The following CPED1 variants were observed in gnomAD, a reference collection of about 807,000 sequenced individuals.
The protein encoded by CPED1 is cadherin-like and PC-esterase domain-containing protein 1.
A neutral mutation model predicts 128.2 loss-of-function variants in CPED1; 114 were observed. The ratio of observed to expected loss-of-function variants is 0.89; its 90% CI spans 0.76 to 1.04. The LOEUF (loss-of-function observed/expected upper bound fraction) is 1.04. Among genes scored for constraint, CPED1 ranks in the 50% least tolerant of loss-of-function variants. CPED1 has a pLI of 0.00. For missense variants in CPED1, 1,211 were observed against 1,207.1 expected (o/e 1.00, Z -0.05); for synonymous variants, 462 against 426.7 (o/e 1.08, Z -1.02).
chr7:121,121,589 A>G (rs1020686416), intron 7 of CPED1, among the ~76,000 whole-genome samples: 1 of 152,184 alleles, frequency 6.6e-6, no homozygotes, highest in Non-Finnish European at 1.5e-5. Flanking sequence ...TTCCTTGCGA[A>G]CTTATATTCT....
chr7:121,237,105 G>A (rs1394436365), intron 17 of CPED1, among the ~76,000 whole-genome samples: 2 of 152,030 alleles, frequency 1.3e-5, no homozygotes, highest in African/African-American at 2.4e-5. Flanking sequence ...CCTTCCCTGA[G>A]CCTCTGATTT....
At chr7:121,078,196 C>T (rs2116122360) in intron 5 of CPED1, among the ~76,000 whole-genome samples, 1 of 152,128 alleles carries the variant, frequency 6.6e-6, no homozygotes, top group East Asian at 1.9e-4. Flanking sequence ...AGGTGTGCAC[C>T]ACCACACCCA....
At chr7:121,118,134 C>G (rs896821418) in intron 7 of CPED1, among the ~76,000 whole-genome samples, 1 of 152,084 alleles carries the variant, frequency 6.6e-6, no homozygotes, top group African/African-American at 2.4e-5. Flanking sequence ...ATAACTAAAC[C>G]CTTCCATCCA....
intron 16 of CPED1, among the ~76,000 whole-genome samples, chr7:121,167,188 A>G (rs944085320): frequency 1.3e-5 from 2 of 152,198 alleles, no homozygotes; most frequent in Non-Finnish European, 1.5e-5. Flanking sequence ...CTCTATGCCC[A>G]TTAAACCTTG....
chr7:120,994,766 A>G (rs1796368293), intron 2 of CPED1, among the ~76,000 whole-genome samples: 1 of 152,086 alleles, frequency 6.6e-6, no homozygotes, highest in South Asian at 2.1e-4. Flanking sequence ...TCTGGATTCT[A>G]TTCCAAAGGC....
At chr7:121,154,926 T>C (rs1473768370) in intron 16 of CPED1, among the ~76,000 whole-genome samples, 3 of 152,220 alleles carry the variant, frequency 2.0e-5, no homozygotes, top group African/African-American at 7.2e-5. Flanking sequence ...TGTGTCATGT[T>C]TATTGATTTG....
At chr7:121,128,597 G>C (rs758893815) in intron 11 of CPED1, 111 bp downstream of exon 11, 1 of 640,634 alleles carries the variant, frequency 1.6e-6, no homozygotes, top group Non-Finnish European at 2.8e-6. Context: ...TTAAGAAATA[G>C]AAATCTTTAT....
At chr7:121,174,185 G>A (rs1325835016) in intron 16 of CPED1, among the ~76,000 whole-genome samples, 1 of 152,106 alleles carries the variant, frequency 6.6e-6, no homozygotes, top group African/African-American at 2.4e-5. Context: ...TGTTTACTCT[G>A]TTGATAGTTT....
intron 18 of CPED1, among the ~76,000 whole-genome samples, chr7:121,246,790 TGA>T (rs1182156010): frequency 5.3e-5 from 8 of 152,256 alleles, no homozygotes; most frequent in African/African-American, 1.9e-4. Flanking sequence ...TACCTGTTAA[TGA>T]GAGAGGGTAT....
chr7:121,134,062 C>A (rs34249834), intron 13 of CPED1, among the ~76,000 whole-genome samples, 169 bp downstream of exon 13: 50,567 of 151,862 alleles, frequency 0.33, 8,829 homozygotes, highest in Middle Eastern at 0.48. Context: ...GAGAGGGAAT[C>A]CAGCAATCCT....
chr7:121,135,343 A>G (rs770316086), intron 13 of CPED1, among the ~76,000 whole-genome samples: 4 of 152,034 alleles, frequency 2.6e-5, no homozygotes, highest in Non-Finnish European at 5.9e-5. Flanking sequence ...AGCCCAATAC[A>G]GTGGTTTTCA....
chr7:121,115,752 G>C (rs778030354), intron 7 of CPED1, among the ~76,000 whole-genome samples: 7 of 152,146 alleles, frequency 4.6e-5, no homozygotes, highest in Admixed American at 1.3e-4. Flanking sequence ...CAAACAAGCT[G>C]TCAGACCTTA....
At chr7:121,201,949 G>C (rs762267232) in intron 16 of CPED1, among the ~76,000 whole-genome samples, 25 of 152,106 alleles carry the variant, frequency 1.6e-4, no homozygotes, top group Non-Finnish European at 3.5e-4. Context: ...ACAAAATTGA[G>C]TATGCTAATG....
chr7:121,231,516 T>C (rs953873130), intron 16 of CPED1, among the ~76,000 whole-genome samples: 1 of 152,078 alleles, frequency 6.6e-6, no homozygotes, highest in Non-Finnish European at 1.5e-5. Flanking sequence ...GAACCAAGAT[T>C]TCCAGGCAGT....
chr7:121,246,645 T>C (rs779047927), intron 18 of CPED1, among the ~76,000 whole-genome samples: 5 of 152,168 alleles, frequency 3.3e-5, no homozygotes, highest in South Asian at 2.1e-4. Flanking sequence ...TAGCATCACA[T>C]TGGAGATTAG....
At chr7:121,036,037 C>T (rs1792875536) in intron 3 of CPED1, among the ~76,000 whole-genome samples, 1 of 151,636 alleles carries the variant, frequency 6.6e-6, no homozygotes, top group Non-Finnish European at 1.5e-5. Context: ...CCATATATGT[C>T]AATAAAATGC....
rs908301851 is a variant in CPED1 at position 121,140,917 on chromosome 7, A to G, written c.1790A>G (p.Tyr597Cys). 1 of 1,612,436 alleles carries G rather than the reference A, an allele frequency of 6.2e-7. No homozygotes were observed. The highest frequency in any genetic ancestry group is 8.5e-7 in the Non-Finnish European group (1 of 1,178,950). The change falls in exon 15 of 23, where the codon TAC (tyrosine) becomes TGC (cysteine). Residue 597 changes from tyrosine to cysteine, a missense_variant. Tyr to Cys is a radical substitution (Grantham distance 194). Transcript: ENST00000310396. ...TTTCATCCAAAGATCAAAGATTATT[A>G]CTGTGAAGTCCCATTTGATGTGGTA... ...PDFHPKIKDY[Y>C]CEVPFDVVTV... is the part of the protein sequence containing the mutation.
intron 4 of CPED1, among the ~76,000 whole-genome samples, chr7:121,053,943 GA>G (rs1392456285): frequency 2.6e-5 from 4 of 152,072 alleles, no homozygotes; most frequent in Non-Finnish European, 5.9e-5. Flanking sequence ...TGGCCCTTTT[GA>G]CATGTCATGT....
At chr7:121,172,661 C>CATAGACAGATAG (rs1554443546) in intron 16 of CPED1, among the ~76,000 whole-genome samples, 1 of 145,202 alleles carries the variant, frequency 6.9e-6, no homozygotes, top group African/African-American at 2.6e-5. Context: ...TGGATGGATA[C>CATAGACAGATAG]ATAGATAGAT....
Sources: gnomAD v4.1 joint callset for allele counts (sites outside exome capture counted in the v4.1 genomes callset) on GRCh38, gnomAD v4.1.1 for gene constraint, MANE v1.5 for transcripts, NCBI Gene and HGNC (gene_info 2026-07-23, HGNC 2026-07-21) for gene names.